Variants in DNER observed in about 807,000 individuals in gnomAD.
DNER encodes the protein delta/notch like EGF repeat containing.
Under a neutral mutation model 78.2 loss-of-function variants are expected in DNER, and 33 were observed. The ratio of observed to expected loss-of-function variants is 0.42; its 90% CI spans 0.32 to 0.56. The LOEUF is 0.56. Ranked by LOEUF, DNER falls within the 20% of genes least tolerant of loss-of-function variation. The pLI is 0.11. For synonymous variants in DNER, 417 were observed against 384.8 expected (o/e 1.08, Z -0.98); for missense variants, 918 against 975.3 (o/e 0.94, Z 0.78).
chr2:229,365,767 T>C (rs769368238), intron 12 of DNER, among the ~76,000 whole-genome samples: 5 of 152,150 alleles, frequency 3.3e-5, no homozygotes, highest in Non-Finnish European at 7.4e-5. Context: ...GATACCAACA[T>C]AGGACATCCC....
At chr2:229,577,955 C>G (rs1697331791) in intron 4 of DNER, among the ~76,000 whole-genome samples, 1 of 152,154 alleles carries the variant, frequency 6.6e-6, no homozygotes, top group Non-Finnish European at 1.5e-5. Flanking sequence ...TTAACTTACT[C>G]TATAAGATCT....
intron 1 of DNER, among the ~76,000 whole-genome samples, chr2:229,695,989 CA>C (rs1317703619): frequency 6.6e-6 from 1 of 152,004 alleles, no homozygotes; most frequent in South Asian, 2.1e-4. Context: ...CAAACTGAGC[CA>C]AAAAAACACC....
chr2:229,473,072 G>A (rs1285367518), intron 7 of DNER, among the ~76,000 whole-genome samples: 3 of 152,150 alleles, frequency 2.0e-5, no homozygotes, highest in East Asian at 1.9e-4. Context: ...GGTCCTTGAA[G>A]GAAACAAAAT....
At chr2:229,617,491 A>T (rs78258767) in intron 1 of DNER, among the ~76,000 whole-genome samples, 17 of 152,340 alleles carry the variant, frequency 1.1e-4, no homozygotes, top group African/African-American at 4.1e-4. Context: ...AGGCTCTTAA[A>T]GACTGATCCA....
chr2:229,367,493 C>T (rs1692377762), intron 11 of DNER, among the ~76,000 whole-genome samples: 3 of 151,856 alleles, frequency 2.0e-5, no homozygotes, highest in Non-Finnish European at 4.4e-5. Flanking sequence ...CCCAGCTACT[C>T]GGGAGGCTGA....
intron 11 of DNER, among the ~76,000 whole-genome samples, chr2:229,385,485 G>A (rs1480407146): frequency 6.6e-6 from 1 of 152,160 alleles, no homozygotes; most frequent in African/African-American, 2.4e-5. Flanking sequence ...AATCAGGCAA[G>A]GGAAAGAAAT....
At chr2:229,613,888 T>C (rs1698097497) in intron 1 of DNER, among the ~76,000 whole-genome samples, 1 of 152,072 alleles carries the variant, frequency 6.6e-6, no homozygotes, top group Non-Finnish European at 1.5e-5. Context: ...AAATTCCTTT[T>C]TTTTTTAAAC....
chr2:229,405,182 ATAAGTC>A (rs1393689021), intron 10 of DNER, among the ~76,000 whole-genome samples: 1 of 152,196 alleles, frequency 6.6e-6, no homozygotes, highest in Non-Finnish European at 1.5e-5. Flanking sequence ...CAACCTTACT[ATAAGTC>A]TAAGATCTAC....
At chr2:229,624,934 A>G (rs1266195883) in intron 1 of DNER, among the ~76,000 whole-genome samples, 5 of 152,184 alleles carry the variant, frequency 3.3e-5, no homozygotes, top group Non-Finnish European at 7.3e-5. Flanking sequence ...TTTTTAGTCA[A>G]TTTCCTCAGA....
At chr2:229,661,684 A>G (rs1014514521) in intron 1 of DNER, among the ~76,000 whole-genome samples, 1 of 152,238 alleles carries the variant, frequency 6.6e-6, no homozygotes. Flanking sequence ...TTCATAATGC[A>G]GCATAAAGTC....
intron 9 of DNER, among the ~76,000 whole-genome samples, chr2:229,407,894 T>A (rs956860739): frequency 1.3e-5 from 2 of 152,176 alleles, no homozygotes; most frequent in East Asian, 3.9e-4. Flanking sequence ...GAGACAATTA[T>A]CCTTATTCCT....
chr2:229,613,286 T>A (rs1170806040), intron 1 of DNER, among the ~76,000 whole-genome samples: 1 of 152,180 alleles, frequency 6.6e-6, no homozygotes, highest in African/African-American at 2.4e-5. Context: ...AGTTTGGCAA[T>A]CAGTATGAAC....
At chr2:229,652,686 G>A (rs191714733) in intron 1 of DNER, among the ~76,000 whole-genome samples, 77 of 152,334 alleles carry the variant, frequency 5.1e-4, no homozygotes, top group Admixed American at 4.5e-3. Context: ...AGTAGATATT[G>A]ATGAGCTCAG....
chr2:229,672,312 T>A (rs1699222334), intron 1 of DNER, among the ~76,000 whole-genome samples: 1 of 151,778 alleles, frequency 6.6e-6, no homozygotes, highest in African/African-American at 2.4e-5. Context: ...TAACTCTCTG[T>A]GTGGTCTCCA....
At chr2:229,545,860 T>C in intron 5 of DNER, among the ~76,000 whole-genome samples, 1 of 152,236 alleles carries the variant, frequency 6.6e-6, no homozygotes, top group East Asian at 1.9e-4. Context: ...CTCTTACTTT[T>C]CTCTGACGTC....
intron 1 of DNER, among the ~76,000 whole-genome samples, chr2:229,671,582 C>A (rs754093888): frequency 2.6e-5 from 4 of 152,302 alleles, no homozygotes; most frequent in Admixed American, 6.5e-5. Flanking sequence ...CTGTTTTGTT[C>A]ACTGTCCTAT....
chr2:229,610,563 T>C (rs1399954922), intron 1 of DNER, among the ~76,000 whole-genome samples: 1 of 152,220 alleles, frequency 6.6e-6, no homozygotes, highest in African/African-American at 2.4e-5. Context: ...GCCGACAGTG[T>C]ACTGGAAGAT....
intron 1 of DNER, among the ~76,000 whole-genome samples, chr2:229,706,814 G>A (rs563163552): frequency 8.5e-5 from 13 of 152,184 alleles, no homozygotes; most frequent in South Asian, 4.2e-4. Flanking sequence ...GGGCTCAAGC[G>A]ATCCTCCCAC....
intron 4 of DNER, among the ~76,000 whole-genome samples, chr2:229,558,388 T>C (rs2154213537): frequency 6.6e-6 from 1 of 152,236 alleles, no homozygotes; most frequent in African/African-American, 2.4e-5. Context: ...AATATAAGTT[T>C]TAAAAAAGAG....
Sources: gnomAD v4.1 joint callset for allele counts (sites outside exome capture counted in the v4.1 genomes callset) on GRCh38, gnomAD v4.1.1 for gene constraint, MANE v1.5 for transcripts, NCBI Gene and HGNC (gene_info 2026-07-23, HGNC 2026-07-21) for gene names.